Variants in CLVS1 observed in about 807,000 individuals in gnomAD.
The protein encoded by CLVS1 is clavesin 1, also known as clavesin-1.
Under a neutral mutation model 33.1 loss-of-function variants are expected in CLVS1, and 10 were observed. The ratio of observed to expected loss-of-function variants is 0.30; its 90% CI spans 0.19 to 0.51. The LOEUF is 0.51. CLVS1 is among the 20% of genes least tolerant of loss of function. The pLI, the probability that CLVS1 is intolerant of heterozygous loss-of-function variation, is 0.97. For synonymous variants in CLVS1, 163 were observed against 166.1 expected (o/e 0.98, Z 0.14); for missense variants, 343 against 433.4 (o/e 0.79, Z 1.85).
chr8:61,293,519 T>C (rs2129594012), intron 1 of CLVS1, among the ~76,000 whole-genome samples: 1 of 152,294 alleles, frequency 6.6e-6, no homozygotes, highest in East Asian at 1.9e-4. Flanking sequence ...GTATTATCTT[T>C]CAAGAAAGAT....
chr8:61,020,120 G>A, the CLVS1 span, among the ~76,000 whole-genome samples: 1 of 152,198 alleles, frequency 6.6e-6, no homozygotes, highest in Non-Finnish European at 1.5e-5. Flanking sequence ...GACCATAAAT[G>A]GTGGCTGCCT....
intron 5 of CLVS1, chr8:61,464,864 A>C (rs1031378727): frequency 2.0e-5 from 3 of 152,278 alleles, no homozygotes; most frequent in African/African-American, 7.2e-5. Flanking sequence ...CTGTTGGCGT[A>C]TATCTCCTGT....
At chr8:61,009,538 C>CT in the CLVS1 span, among the ~76,000 whole-genome samples, 133,020 of 152,184 alleles carry the variant, frequency 0.87, 58,194 homozygotes, top group Middle Eastern at 0.91. Flanking sequence ...TGAGGTTGAA[C>CT]TTTTTTCATA....
rs578245039 is a variant in CLVS1 at position 61,277,543 on chromosome 8, A to G, written c.-151-22134A>G. ...ATAGGGGAGGCTCTGTCTTTACTCT[A>G]TTACTACTTTCAGCTCCCATAAATG... is the stretch of plus-strand genomic sequence containing the variant. On this transcript the variant is annotated intron_variant, in intron 2 of 2. Coordinates refer to the CLVS1 transcript ENST00000522621. Among the ~76,000 whole-genome samples the G allele has an allele frequency of 2.6e-5, 4 of 152,240 alleles. No individual in the cohort carries two copies. In the East Asian group the frequency reaches 5.8e-4, roughly 22 times the overall value.
intron 3 of CLVS1, among the ~76,000 whole-genome samples, chr8:61,451,251 A>G (rs774666053): frequency 6.6e-6 from 1 of 151,918 alleles, no homozygotes; most frequent in Non-Finnish European, 1.5e-5. Context: ...TGTCTTTGGC[A>G]GTAGGATTAT....
the CLVS1 span, among the ~76,000 whole-genome samples, chr8:60,986,353 G>A: frequency 6.6e-6 from 1 of 152,232 alleles, no homozygotes; most frequent in East Asian, 1.9e-4. Flanking sequence ...TATTTTTGCT[G>A]ATCGGATGGC....
chr8:61,183,789 C>T (rs1383085800), intron 2 of CLVS1, among the ~76,000 whole-genome samples: 1 of 152,078 alleles, frequency 6.6e-6, no homozygotes, highest in East Asian at 1.9e-4. Context: ...ACTCCCCCAC[C>T]CCGAATGAGT....
chr8:61,388,075 G>T (rs1814158088), intron 3 of CLVS1, among the ~76,000 whole-genome samples: 1 of 152,014 alleles, frequency 6.6e-6, no homozygotes, highest in South Asian at 2.1e-4. Context: ...TACATTGAGA[G>T]AACTACCCAA....
intron 1 of CLVS1, among the ~76,000 whole-genome samples, chr8:61,095,723 A>G (rs1585607048): frequency 1.3e-5 from 2 of 152,214 alleles, no homozygotes; most frequent in African/African-American, 4.8e-5. Flanking sequence ...GACCCCAAGC[A>G]TAGGGATCAG....
intron 2 of CLVS1, among the ~76,000 whole-genome samples, chr8:61,247,909 C>T (rs1034169670): frequency 1.3e-5 from 2 of 151,972 alleles, no homozygotes; most frequent in Admixed American, 1.3e-4. Context: ...GGGTTTTTAA[C>T]ATTTTGGGTT....
At chr8:61,469,257 G>C (rs1016932026) in intron 5 of CLVS1, among the ~76,000 whole-genome samples, 1 of 152,176 alleles carries the variant, frequency 6.6e-6, no homozygotes, top group Non-Finnish European at 1.5e-5. Context: ...TAACATTTTA[G>C]TTATTAATTC....
At chr8:60,970,211 G>A in the CLVS1 span, among the ~76,000 whole-genome samples, 28 of 152,204 alleles carry the variant, frequency 1.8e-4, no homozygotes, top group Non-Finnish European at 3.7e-4. Context: ...TTCTATGCCT[G>A]TGATCTGGAT....
intron 1 of CLVS1, among the ~76,000 whole-genome samples, chr8:61,061,033 G>C (rs1052315037): frequency 6.6e-6 from 1 of 152,140 alleles, no homozygotes; most frequent in Non-Finnish European, 1.5e-5. Flanking sequence ...ACCAGACTCT[G>C]TTACTCAGAG....
chr8:61,353,381 A>G (rs2129599186), intron 2 of CLVS1, among the ~76,000 whole-genome samples: 1 of 152,182 alleles, frequency 6.6e-6, no homozygotes, highest in South Asian at 2.1e-4. Context: ...CTATTAATCA[A>G]TAACAGAAAG....
chr8:61,033,049 A>G, the CLVS1 span, among the ~76,000 whole-genome samples: 1,427 of 89,482 alleles, frequency 0.016, 55 homozygotes, highest in Middle Eastern at 0.052. Context: ...AAGAAAGAAA[A>G]AGAAAGAAAG....
In CLVS1 at chr8:61,476,949, C is replaced by G. The variant is rs528206138; in HGVS notation, c.977+18407C>G. On this transcript the variant is annotated intron_variant, in intron 5 of 5. Coordinates refer to ENST00000325897, the MANE Select transcript of CLVS1 (RefSeq NM_173519.3). ...GGCTGTGGGTGTGTCATAGATAGCT[C>G]TTATTATTTTGAGATACATCCCATC... Among the ~76,000 whole-genome samples, 4 of 152,216 alleles carry G rather than the reference C, an allele frequency of 2.6e-5. No homozygotes were observed. The South Asian group carries it at 8.3e-4, about 32-fold the overall frequency.
intron 1 of CLVS1, among the ~76,000 whole-genome samples, chr8:61,071,517 G>A (rs1158304615): frequency 6.6e-6 from 1 of 152,132 alleles, no homozygotes; most frequent in East Asian, 1.9e-4. Context: ...AACATTTAGG[G>A]TCTACCTAGA....
chr8:61,137,729 G>A (rs146416455), intron 2 of CLVS1, among the ~76,000 whole-genome samples: 2,076 of 152,212 alleles, frequency 0.014, 22 homozygotes, highest in Middle Eastern at 0.027. Context: ...GCTCGATGTT[G>A]CCATTACCAT....
At chr8:61,015,835 C>A in the CLVS1 span, among the ~76,000 whole-genome samples, 1 of 152,188 alleles carries the variant, frequency 6.6e-6, no homozygotes, top group Admixed American at 6.5e-5. Flanking sequence ...CGGCCTTCCA[C>A]CACTTCCATC....
Sources: gnomAD v4.1 joint callset for allele counts (sites outside exome capture counted in the v4.1 genomes callset) on GRCh38, gnomAD v4.1.1 for gene constraint, MANE v1.5 for transcripts, NCBI Gene and HGNC (gene_info 2026-07-23, HGNC 2026-07-21) for gene names.